ZC4H2: variants seen among roughly 807,000 people sequenced by gnomAD.
The protein encoded by ZC4H2 is zinc finger C4H2 domain-containing protein.
For missense variants in ZC4H2, 137 were observed against 173.9 expected, an observed-to-expected ratio of 0.79 and a Z score of 1.19; for synonymous variants, 84 against 66.3, an observed-to-expected ratio of 1.27 and a Z score of -1.30.
chrX:64,919,389 CCT>C, intron 3 of ZC4H2, 185 bp from the exon 4 acceptor site: 1 of 445,608 alleles, frequency 2.2e-6, no homozygotes, highest in Non-Finnish European at 3.7e-6. Context: ...GAAGGGTAAT[CCT>C]CTTTGTCCTT....
intron 1 of ZC4H2, among the ~76,000 whole-genome samples, chrX:64,995,435 C>T (rs1381699655): frequency 8.9e-6 from 1 of 112,420 alleles, no homozygotes; most frequent in African/African-American, 3.2e-5. Flanking sequence ...CTATGCCTCA[C>T]TGCATCCTAT....
intron 4 of ZC4H2, 84 bp downstream of exon 4, chrX:64,918,958 G>T: frequency 9.2e-7 from 1 of 1,087,080 alleles, no homozygotes; most frequent in Non-Finnish European, 1.2e-6. Flanking sequence ...CATAAATAAA[G>T]CCAAAGACCC....
At position 64,934,693 on chromosome X, in the gene ZC4H2, A is replaced by G. The variant is rs765891324; in HGVS notation, c.54-12705T>C. On this transcript the variant is annotated intron_variant, in intron 1 of 4. Coordinates refer to ENST00000374839, the MANE Select transcript of ZC4H2 (RefSeq NM_018684.4). ...CAGTGGGTGCAGACCAAGAAGGACGAGCCAAAGCAAGGTGGGGCATCGCCT... is the reference window on the plus strand; with the variant it reads ...CAGTGGGTGCAGACCAAGAAGGACGGGCCAAAGCAAGGTGGGGCATCGCCT... 1.4e-4 allele frequency among the ~76,000 whole-genome samples: 16 copies of G among 112,015 alleles called. No individual in the cohort carries two copies. In the South Asian group the frequency reaches 3.0e-3, roughly 21 times the overall value.
intron 1 of ZC4H2, among the ~76,000 whole-genome samples, chrX:65,008,380 C>G (rs902166444): frequency 4.5e-5 from 5 of 111,802 alleles, no homozygotes; most frequent in Non-Finnish European, 9.4e-5. Context: ...TAAATTAGTA[C>G]AGCCACTATG....
At chrX:64,924,765 A>C (rs905167401) in intron 1 of ZC4H2, among the ~76,000 whole-genome samples, 2 of 111,190 alleles carry the variant, frequency 1.8e-5, no homozygotes, top group Admixed American at 9.6e-5. Flanking sequence ...TGGCACATTA[A>C]AGGAACTGAG....
chrX:64,970,215 A>C (rs1336352943), intron 1 of ZC4H2, among the ~76,000 whole-genome samples: 1 of 112,426 alleles, frequency 8.9e-6, no homozygotes, highest in African/African-American at 3.2e-5. Context: ...AACTGGAAAC[A>C]AAGCTACTGT....
At chrX:64,930,322 A>T (rs1284220730) in intron 1 of ZC4H2, among the ~76,000 whole-genome samples, 2 of 111,636 alleles carry the variant, frequency 1.8e-5, no homozygotes, top group African/African-American at 6.5e-5. Context: ...AAACAGTGAC[A>T]TTTTGACTTC....
At chrX:64,969,130 A>G (rs1202016668) in intron 1 of ZC4H2, among the ~76,000 whole-genome samples, 1 of 112,519 alleles carries the variant, frequency 8.9e-6, no homozygotes, top group Non-Finnish European at 1.9e-5. Flanking sequence ...TGGTAGGATT[A>G]TGTTTCAACA....
At chrX:64,939,750 C>T (rs1297088899) in intron 1 of ZC4H2, among the ~76,000 whole-genome samples, 1 of 111,817 alleles carries the variant, frequency 8.9e-6, no homozygotes, top group African/African-American at 3.3e-5. Context: ...TGAAACTCGA[C>T]CCCTTACTTA....
chrX:64,994,485 G>T lies in ZC4H2; in HGVS notation c.-272+40144C>A, dbSNP rs750988081. 4.5e-5 allele frequency among the ~76,000 whole-genome samples: 5 copies of T among 112,191 alleles called. No homozygotes were observed. In the South Asian group the frequency reaches 1.5e-3, roughly 33 times the overall value. On this transcript the variant is annotated intron_variant, in intron 1 of 4. Coordinates refer to the ZC4H2 transcript ENST00000337990. The stretch of plus-strand genomic sequence containing the variant: ...AATTAGGATATTCTTAGGGATCCAT[G>T]AAAAGTTTTGCTTTACATTATTCGT...
intron 1 of ZC4H2, among the ~76,000 whole-genome samples, chrX:64,932,004 G>A (rs1296784670): frequency 9.0e-6 from 1 of 111,268 alleles, no homozygotes; most frequent in Non-Finnish European, 1.9e-5. Context: ...CTTATGTCTA[G>A]TACCAATTGT....
At chrX:64,954,698 C>G (rs1357400480) in intron 1 of ZC4H2, among the ~76,000 whole-genome samples, 1 of 108,325 alleles carries the variant, frequency 9.2e-6, no homozygotes, top group African/African-American at 3.4e-5. Context: ...TCTATAAAAT[C>G]ATATCATTTG....
chrX:65,013,432 G>A (rs1174211671), intron 1 of ZC4H2, among the ~76,000 whole-genome samples: 2 of 111,693 alleles, frequency 1.8e-5, no homozygotes, highest in South Asian at 3.8e-4. Context: ...CAAAACTCAC[G>A]GGATGTCATT....
At chrX:65,023,129 C>A (rs1439826209) in intron 1 of ZC4H2, among the ~76,000 whole-genome samples, 1 of 111,455 alleles carries the variant, frequency 9.0e-6, no homozygotes, top group African/African-American at 3.3e-5. Context: ...TTAGGACTGT[C>A]TTGGCTATGA....
chrX:64,975,816 C>T (rs967552481), intron 1 of ZC4H2, among the ~76,000 whole-genome samples: 3 of 110,895 alleles, frequency 2.7e-5, no homozygotes, highest in Non-Finnish European at 5.7e-5. Context: ...GAAAGGAAAA[C>T]GAGCGCGCGC....
At position 64,920,087 on chromosome X, in the gene ZC4H2, G is replaced by A; in HGVS notation, c.392C>T (p.Ser131Phe). 3 of 1,209,509 alleles carry A rather than the reference G, an allele frequency of 2.5e-6. No homozygotes were observed. The highest frequency in any genetic ancestry group is 3.4e-6 in the Non-Finnish European group (3 of 894,676). ...CTGGGGGCAGGTAGCTTACTCCAAG[G>A]AAAGCTTCTCCTCTTCTTCACACAA... is the stretch of plus-strand genomic sequence containing the variant. ...PDLCEEEEKL[S>F]LDYFEKQKAE... The change falls in exon 3 of 5, where the codon TCC becomes TTC. Residue 131 changes from serine (S) to phenylalanine (F), a missense_variant. By Grantham distance (155) the Ser-to-Phe change is radical (BLOSUM62 -2). Coordinates refer to ENST00000374839, the MANE Select transcript of ZC4H2 (RefSeq NM_018684.4).
chrX:64,945,278 T>C (rs1930474988), intron 1 of ZC4H2, among the ~76,000 whole-genome samples: 1 of 112,554 alleles, frequency 8.9e-6, no homozygotes, highest in Admixed American at 9.4e-5. Flanking sequence ...GGGCATCCTT[T>C]ATGTCGATGT....
rs759286839 is a variant in ZC4H2, at chrX:64,918,669, TC to T, written c.561+372del. 7 of 135,705 alleles carry T rather than the reference TC, an allele frequency of 5.2e-5. No individual in the cohort carries two copies. The South Asian group carries it at 2.1e-3, about 41-fold the overall frequency. 11.2% of individuals were successfully genotyped at this position (135,705 alleles called of 1,213,427 possible). On this transcript the variant is annotated intron_variant, in intron 4 of 4. Transcript: ENST00000374839. ...TTGCAAATTTGTTTCAGCCTTCCTC[TC>T]CTTTCTTGACTATATAGATATTTGT...
At chrX:64,957,717 C>G (rs1180797560) in intron 1 of ZC4H2, among the ~76,000 whole-genome samples, 1 of 109,142 alleles carries the variant, frequency 9.2e-6, no homozygotes. Flanking sequence ...TATAAATTAG[C>G]CAGGTGTGGT....
Sources: allele counts gnomAD v4.1 joint callset (sites outside exome capture counted in the v4.1 genomes callset), GRCh38; gene constraint gnomAD v4.1.1; transcripts MANE v1.5; gene names NCBI Gene and HGNC (gene_info 2026-07-23, HGNC 2026-07-21).